The following MAN1C1 variants were observed in gnomAD, a reference collection of about 807,000 sequenced individuals.
MAN1C1 encodes the protein mannosyl-oligosaccharide 1,2-alpha-mannosidase IC.
MAN1C1 carries 49 observed loss-of-function variants against 71.5 expected under a neutral mutation model. The ratio of observed to expected loss-of-function variants is 0.69; its 90% CI spans 0.54 to 0.87. The LOEUF is 0.87. Ranked by LOEUF, MAN1C1 falls within the 40% of genes least tolerant of loss-of-function variation. MAN1C1 has a pLI of 0.00. For synonymous variants in MAN1C1, 352 were observed against 343.7 expected (o/e 1.02, Z -0.27); for missense variants, 743 against 835.0 (o/e 0.89, Z 1.36).
intron 7 of MAN1C1, among the ~76,000 whole-genome samples, chr1:25,770,456 T>G (rs1201311455): frequency 6.6e-6 from 1 of 152,184 alleles, no homozygotes; most frequent in African/African-American, 2.4e-5. Context: ...TTGTCTTTCT[T>G]TCTCTACGTA....
chr1:25,618,213 TC>T lies in MAN1C1; in HGVS notation c.419del (p.Pro140LeufsTer42). On this transcript the variant is annotated frameshift_variant, in exon 1 of 12. Coordinates refer to ENST00000374332, the MANE Select transcript of MAN1C1 (RefSeq NM_020379.4). LOFTEE classifies it high-confidence loss of function. Reference sequence around the variant, plus strand: ...GCCTCCAGGCCCGGGGACGAGGGCGTCCCTTTCCGCTTTGACTTCAACGCAT... The same window carrying T: ...GCCTCCAGGCCCGGGGACGAGGGCGTCCTTTCCGCTTTGACTTCAACGCAT... The part of the protein sequence containing the change: ...IPASRPGDEG[V>X]PFRFDFNAFR... The T allele has an allele frequency of 6.3e-7, 1 of 1,594,390 alleles. No individual in the cohort carries two copies. The highest frequency in any genetic ancestry group is 8.5e-7 in the Non-Finnish European group (1 of 1,173,700).
chr1:25,643,414 C>G (rs961118065), intron 1 of MAN1C1, among the ~76,000 whole-genome samples: 1 of 144,278 alleles, frequency 6.9e-6, no homozygotes, highest in Non-Finnish European at 1.5e-5. Flanking sequence ...GCCACCACGC[C>G]TGGCTAATTT....
At chr1:25,643,180 C>T (rs935924536) in intron 1 of MAN1C1, among the ~76,000 whole-genome samples, 1 of 151,840 alleles carries the variant, frequency 6.6e-6, no homozygotes, top group African/African-American at 2.4e-5. Flanking sequence ...TCCATCCTCT[C>T]CCTCTATCCT....
In MAN1C1 at chr1:25,749,572, A is replaced by C. The variant is rs1345509342; in HGVS notation, c.834+237A>C. Among the ~76,000 whole-genome samples the C allele has an allele frequency of 2.0e-5, 3 of 152,198 alleles. No homozygotes were observed. In the South Asian group the frequency reaches 6.2e-4, roughly 32 times the overall value. On this transcript the variant is annotated intron_variant, in intron 4 of 11. Transcript: ENST00000374332. ...TTGCTCCCACCCCAGACGGCCCCCC[A>C]GGGCTGAATCTATCACACAAAGCAG...
chr1:25,656,137 G>A lies in MAN1C1; in HGVS notation c.541-30303G>A, dbSNP rs535326167. On this transcript the variant is annotated intron_variant, in intron 1 of 11. Transcript: ENST00000374332. Reference sequence around the variant, plus strand: ...TTTTTTGAGACAGTCTCACTCTGTCGCCTAGGCTGGAGTGCAGTGGCATGA... The same window carrying A: ...TTTTTTGAGACAGTCTCACTCTGTCACCTAGGCTGGAGTGCAGTGGCATGA... 6.6e-3 allele frequency among the ~76,000 whole-genome samples: 728 copies of A among 110,368 alleles called. 10 individuals carry two copies. Among genetic ancestry groups the A allele is most frequent in the African/African-American group, 0.029 (691 of 23,958 alleles). 72.4% of individuals were successfully genotyped at this position (110,368 alleles called of 152,430 possible).
intron 1 of MAN1C1, among the ~76,000 whole-genome samples, chr1:25,624,039 C>G (rs565702037): frequency 6.6e-6 from 1 of 152,206 alleles, no homozygotes; most frequent in Admixed American, 6.5e-5. Context: ...GTTCTTGATT[C>G]TCTGCTATTC....
chr1:25,640,981 C>T (rs1021158639), intron 1 of MAN1C1, among the ~76,000 whole-genome samples: 2 of 152,120 alleles, frequency 1.3e-5, no homozygotes, highest in Non-Finnish European at 2.9e-5. Flanking sequence ...TTCAACTTGG[C>T]GCTAATAGGA....
At chr1:25,741,094 A>G (rs1244860605) in intron 2 of MAN1C1, among the ~76,000 whole-genome samples, 3 of 152,058 alleles carry the variant, frequency 2.0e-5, no homozygotes, top group African/African-American at 7.2e-5. Flanking sequence ...GCTTTCAGAC[A>G]GTGAAACATG....
At chr1:25,754,387 C>T (rs1280847357) in intron 5 of MAN1C1, among the ~76,000 whole-genome samples, 2 of 152,190 alleles carry the variant, frequency 1.3e-5, no homozygotes, top group Non-Finnish European at 2.9e-5. Flanking sequence ...GGAGGTTGCA[C>T]CTTCGTGTTG....
chr1:25,650,804 C>CAAG (rs2045680686), intron 1 of MAN1C1, among the ~76,000 whole-genome samples: 1 of 152,162 alleles, frequency 6.6e-6, no homozygotes, highest in African/African-American at 2.4e-5. Context: ...CAATTTAGTC[C>CAAG]TTACAGAAGG....
Position 25,782,532 on chromosome 1 carries a change from C to A in MAN1C1, c.1651-53C>A, listed in dbSNP as rs920552682. ...CCAGGCATGCACAAGTCTTGAGGGG[C>A]CTTTCCTGTCCCGTGTTAAGGCTGT... On this transcript the variant is annotated intron_variant, in intron 10 of 11. Coordinates refer to ENST00000374332, the MANE Select transcript of MAN1C1 (RefSeq NM_020379.4). This position sits in a 1 kb window ranked among gnomAD's most constrained non-coding sequence, Gnocchi z 4.4. 5.7e-6 allele frequency: 7 copies of A among 1,237,224 alleles called. No homozygotes were observed. In the African/African-American group the frequency reaches 8.9e-5, roughly 16 times the overall value. 76.6% of individuals were successfully genotyped at this position (1,237,224 alleles called of 1,614,324 possible).
chr1:25,667,916 T>A (rs77816739), intron 1 of MAN1C1, among the ~76,000 whole-genome samples: 259 of 152,224 alleles, frequency 1.7e-3, no homozygotes, highest in African/African-American at 6.1e-3. Context: ...CAAGGAGTGC[T>A]TATGGGGTGG....
chr1:25,770,010 C>T (rs1294909884), intron 7 of MAN1C1, among the ~76,000 whole-genome samples: 2 of 152,256 alleles, frequency 1.3e-5, no homozygotes, highest in South Asian at 2.1e-4. Flanking sequence ...TGACAGTGCT[C>T]GTAGCTGCCG....
In MAN1C1 at chr1:25,725,882, G is replaced by T. The variant is rs925355538; in HGVS notation, c.638-20786G>T. On this transcript the variant is annotated intron_variant, in intron 2 of 11. Transcript: ENST00000374332. This position sits in a 1 kb window ranked among gnomAD's most constrained non-coding sequence, Gnocchi z 4.8. ...AATGAGAGGGTGCTCGGGGCAGAAG[G>T]TCCATCCTGGGCTGAGGCTCAGCGG... 1.3e-5 allele frequency among the ~76,000 whole-genome samples: 2 copies of T among 152,216 alleles called. No homozygotes were observed. Among genetic ancestry groups the T allele is most frequent in the African/African-American group, 4.8e-5 (2 of 41,460 alleles).
intron 1 of MAN1C1, among the ~76,000 whole-genome samples, chr1:25,684,197 A>T (rs931629228): frequency 2.1e-5 from 3 of 142,242 alleles, no homozygotes; most frequent in Admixed American, 7.2e-5. Context: ...CCCCCCAGCC[A>T]CCTGCCTCTC....
At chr1:25,692,173 G>A (rs574716852) in intron 2 of MAN1C1, among the ~76,000 whole-genome samples, 37 of 152,162 alleles carry the variant, frequency 2.4e-4, no homozygotes, top group Non-Finnish European at 2.8e-4. Context: ...CGCTCTTTGC[G>A]CCGCACACTC....
In MAN1C1 at chr1:25,776,272, C is replaced by T. The variant is rs2047618056; in HGVS notation, c.1258-1833C>T. 6.6e-6 allele frequency among the ~76,000 whole-genome samples: 1 copy of T among 152,132 alleles called. No homozygotes were observed. Among genetic ancestry groups the T allele is most frequent in the Non-Finnish European group, 1.5e-5 (1 of 68,030 alleles). On this transcript the variant is annotated intron_variant, in intron 8 of 11. Transcript: ENST00000374332. The surrounding 1 kb of genome is among the most constrained non-coding windows in gnomAD (Gnocchi z 4.3). The stretch of plus-strand genomic sequence containing the variant: ...CTGATCACAAATTGTACCTCTCAGC[C>T]AGTTGTGGTGGCTCACGCCTGTAAT...
At chr1:25,674,951 A>G (rs947881111) in intron 1 of MAN1C1, among the ~76,000 whole-genome samples, 1 of 151,960 alleles carries the variant, frequency 6.6e-6, no homozygotes, top group African/African-American at 2.4e-5. Context: ...TTCCATGGAG[A>G]GATGGGAGTG....
At chr1:25,767,542 TC>T (rs1191307181) in intron 7 of MAN1C1, among the ~76,000 whole-genome samples, 1 of 89,870 alleles carries the variant, frequency 1.1e-5, no homozygotes, top group Non-Finnish European at 2.2e-5. Context: ...CTACACACAC[TC>T]CCCTCACACA....
Sources: gnomAD v4.1 joint callset for allele counts (sites outside exome capture counted in the v4.1 genomes callset) on GRCh38, gnomAD v4.1.1 for gene constraint, Gnocchi (gnomAD v3.1) non-coding constraint, MANE v1.5 for transcripts, NCBI Gene and HGNC (gene_info 2026-07-23, HGNC 2026-07-21) for gene names.